CDH2: variants seen among roughly 807,000 people sequenced by gnomAD.
CDH2 encodes the protein cadherin 2, also known as cadherin-2.
CDH2 carries 17 observed loss-of-function variants against 92.0 expected under a neutral mutation model. The ratio of observed to expected loss-of-function variants is 0.18; its 90% CI spans 0.13 to 0.28. The LOEUF is 0.28. CDH2 is among the 10% of genes least tolerant of loss of function. CDH2 has a pLI of 1.00. For missense variants in CDH2, 862 were observed against 1,133.1 expected (o/e 0.76, Z 3.44); for synonymous variants, 419 against 415.9 (o/e 1.01, Z -0.09).
chr18:28,119,728 C>T (rs1274184504), intron 2 of CDH2, among the ~76,000 whole-genome samples: 2 of 152,062 alleles, frequency 1.3e-5, no homozygotes, highest in Non-Finnish European at 2.9e-5. Flanking sequence ...GGGCATACTG[C>T]CACTCACAAT....
In CDH2 at chr18:28,156,730, C is replaced by A. The variant is rs35825674; in HGVS notation, c.61-8946G>T. ...CAGCATGTCACCTTCCCAGGTATAGCATGTCACCTTCCCAGGTATAGCATG... is the reference window on the plus strand; with the variant it reads ...CAGCATGTCACCTTCCCAGGTATAGAATGTCACCTTCCCAGGTATAGCATG... On this transcript the variant is annotated intron_variant, in intron 1 of 15. Transcript: ENST00000269141. Among the ~76,000 whole-genome samples, 140 of 96,724 alleles carry A rather than the reference C, an allele frequency of 1.4e-3. 19 individuals are homozygous for A. The highest frequency in any genetic ancestry group is 2.4e-3 in the Admixed American group (21 of 8,686). The allele number at this position is 96,724 out of a possible 152,430, so 63.5% of individuals were successfully genotyped here.
At chr18:28,005,148 G>T (rs1404369434) in intron 6 of CDH2, among the ~76,000 whole-genome samples, 3 of 152,104 alleles carry the variant, frequency 2.0e-5, no homozygotes, top group Non-Finnish European at 2.9e-5. Context: ...TTTTCTAGCG[G>T]CCTGGCTTTT....
chr18:28,095,822 A>AAAAAAAAAG (rs1555641273), intron 2 of CDH2, among the ~76,000 whole-genome samples: 3 of 147,172 alleles, frequency 2.0e-5, no homozygotes, highest in African/African-American at 7.5e-5. Context: ...AAAAAAAAAA[A>AAAAAAAAAG]AAAGAAAGAA....
intron 2 of CDH2, among the ~76,000 whole-genome samples, chr18:28,057,110 C>A (rs2144138091): frequency 6.6e-6 from 1 of 152,202 alleles, no homozygotes; most frequent in African/African-American, 2.4e-5. Flanking sequence ...TGGTACATTC[C>A]TGAGCAAGTA....
intron 2 of CDH2, among the ~76,000 whole-genome samples, chr18:28,070,983 C>T (rs987919742): frequency 6.6e-6 from 1 of 151,968 alleles, no homozygotes; most frequent in Non-Finnish European, 1.5e-5. Flanking sequence ...TGATTTCATA[C>T]CAATAATTTG....
At chr18:28,093,334 G>T (rs2144216229) in intron 2 of CDH2, among the ~76,000 whole-genome samples, 1 of 152,126 alleles carries the variant, frequency 6.6e-6, no homozygotes, top group Non-Finnish European at 1.5e-5. Context: ...GAAGATACTG[G>T]GTAAAGTCTC....
intron 7 of CDH2, 93 bp from the exon 8 acceptor site, chr18:27,993,730 G>C: frequency 1.1e-6 from 1 of 923,834 alleles, no homozygotes; most frequent in Non-Finnish European, 1.7e-6. Flanking sequence ...AATGCAAGGA[G>C]AGCATGGCAT....
At chr18:27,976,966 C>T (rs1382879776) in intron 14 of CDH2, among the ~76,000 whole-genome samples, 2 of 152,200 alleles carry the variant, frequency 1.3e-5, no homozygotes, top group East Asian at 1.9e-4. Context: ...TTATTAGTGA[C>T]GCTGATATGG....
intron 2 of CDH2, among the ~76,000 whole-genome samples, chr18:28,068,096 T>C (rs2014544515): frequency 6.6e-6 from 1 of 152,180 alleles, no homozygotes; most frequent in South Asian, 2.1e-4. Context: ...CTCCCTCCAA[T>C]TCTGCCAAGG....
intron 7 of CDH2, among the ~76,000 whole-genome samples, chr18:27,998,509 A>G (rs1336667973): frequency 6.6e-6 from 1 of 152,164 alleles, no homozygotes; most frequent in African/African-American, 2.4e-5. Context: ...AGTGCCCTCT[A>G]AGATGGTAAG....
chr18:28,023,897 T>C (rs1344927292), intron 2 of CDH2, among the ~76,000 whole-genome samples: 3 of 152,174 alleles, frequency 2.0e-5, no homozygotes, highest in Admixed American at 6.6e-5. Context: ...CTATTTCTTC[T>C]GCTTCATTTG....
At chr18:28,038,364 A>G (rs558485291) in intron 2 of CDH2, among the ~76,000 whole-genome samples, 1 of 152,034 alleles carries the variant, frequency 6.6e-6, no homozygotes, top group African/African-American at 2.4e-5. Flanking sequence ...TGGAGGCTAC[A>G]GTGAGCTGTG....
intron 1 of CDH2, among the ~76,000 whole-genome samples, chr18:28,159,664 T>TG (rs1046169975): frequency 1.2e-4 from 18 of 151,644 alleles, no homozygotes; most frequent in African/African-American, 4.1e-4. Flanking sequence ...TTTTGTTTTT[T>TG]TTTTTTTTTT....
chr18:27,942,377 C>A (rs2143835869), intron 6 of CDH2, among the ~76,000 whole-genome samples: 1 of 152,276 alleles, frequency 6.6e-6, no homozygotes, highest in South Asian at 2.1e-4. Context: ...CAATAGCTAA[C>A]TTGTAATGGT....
At chr18:27,961,057 T>C (rs1162295089) in intron 15 of CDH2, among the ~76,000 whole-genome samples, 4 of 151,170 alleles carry the variant, frequency 2.6e-5, no homozygotes, top group South Asian at 2.1e-4. Context: ...ACCATAGACA[T>C]AGACACACAC....
intron 9 of CDH2, 74 bp downstream of exon 9, chr18:27,992,581 A>C: frequency 8.0e-7 from 1 of 1,252,558 alleles, no homozygotes; most frequent in Non-Finnish European, 1.1e-6. Context: ...CCATTGCAAA[A>C]CAATGAGTGG....
At chr18:28,165,860 A>C (rs944885922) in intron 1 of CDH2, among the ~76,000 whole-genome samples, 3 of 152,124 alleles carry the variant, frequency 2.0e-5, no homozygotes, top group Non-Finnish European at 2.9e-5. Flanking sequence ...TTGATAAAAG[A>C]AGCATTTCAG....
chr18:28,087,911 T>C (rs1254558622), intron 2 of CDH2, among the ~76,000 whole-genome samples: 1 of 152,128 alleles, frequency 6.6e-6, no homozygotes, highest in Non-Finnish European at 1.5e-5. Flanking sequence ...CAAACCACAC[T>C]ACAGATACTC....
intron 14 of CDH2, among the ~76,000 whole-genome samples, chr18:27,978,621 G>A (rs76970431): frequency 7.0e-6 from 1 of 142,852 alleles, no homozygotes; most frequent in Non-Finnish European, 1.5e-5. Flanking sequence ...TGGGGGGGGG[G>A]ATTCATTACC....
Sources: allele counts gnomAD v4.1 joint callset (sites outside exome capture counted in the v4.1 genomes callset), GRCh38; gene constraint gnomAD v4.1.1; transcripts MANE v1.5; gene names NCBI Gene and HGNC (gene_info 2026-07-23, HGNC 2026-07-21).